Variants in PEX26 observed in about 807,000 individuals in gnomAD.
PEX26 encodes the protein peroxisomal biogenesis factor 26, also known as peroxisome assembly protein 26.
In PEX26, 18 loss-of-function variants were observed where a neutral mutation model predicts 31.4. The ratio of observed to expected loss-of-function variants is 0.57; its 90% CI spans 0.40 to 0.85. The LOEUF is 0.85. PEX26 is among the 40% of genes least tolerant of loss of function. The pLI is 0.00. For missense variants in PEX26, 377 were observed against 383.9 expected (o/e 0.98, Z 0.15); for synonymous variants, 176 against 166.9 (o/e 1.05, Z -0.42).
chr22:18,083,567 C>T lies in PEX26; in HGVS notation c.502C>T (p.Leu168=). ...ALAEFHVQRV[L]LPLGCLSEAE... ...GGCAGAATTTCACGTGCAGCGGGTG[C>T]TGCTGCCTCTGGGCTGCTTATCGGA... is the stretch of plus-strand genomic sequence containing the variant. The change falls in exon 3 of 5, where the codon CTG becomes TTG. Residue 168 remains leucine (L), a synonymous_variant. Transcript: ENST00000399744. 2 of 1,614,074 alleles carry T rather than the reference C, an allele frequency of 1.2e-6. No individual in the cohort carries two copies. Among genetic ancestry groups the T allele is most frequent in the African/African-American group, 2.7e-5 (2 of 75,058 alleles).
rs528578277 is a variant in PEX26, at chr22:18,082,991, A to G, written c.372-446A>G. Among the ~76,000 whole-genome samples the G allele has an allele frequency of 3.3e-5, 5 of 152,142 alleles. No homozygotes were observed. The South Asian group carries it at 6.2e-4, about 19-fold the overall frequency. On this transcript the variant is annotated intron_variant, in intron 2 of 4. Transcript: ENST00000399744. ...AATTGTTTTCTTGATCTCTTTTCCA[A>G]TGGTTCACTGTCACGTATAGAAACG...
At chr22:18,082,947 T>A (rs1392653787) in intron 2 of PEX26, among the ~76,000 whole-genome samples, 1 of 152,216 alleles carries the variant, frequency 6.6e-6, no homozygotes, top group Admixed American at 6.5e-5. Flanking sequence ...CTTATTTTTT[T>A]GGTAGCTATT....
At chr22:18,083,381 C>A in intron 2 of PEX26, 56 bp from the exon 3 acceptor site, 1 of 1,556,062 alleles carries the variant, frequency 6.4e-7, no homozygotes, top group Non-Finnish European at 8.9e-7. Context: ...GGAAATGAAC[C>A]AATCATTGAG....
rs1044012265 is a variant in PEX26 at position 18,083,441 on chromosome 22, C to T, written c.376C>T (p.Leu126Phe). ...TGGGTTTTTTGGGGACTGCAGCATT[C>T]TTTTATACAGCAAAATGCAAGAGCC... ...LPPKVLELCI[L>F]LYSKMQEPGA... is the part of the protein sequence containing the mutation. The change falls in exon 3 of 5, where the codon CTT (leucine) becomes TTT (phenylalanine). Residue 126 changes from leucine (L) to phenylalanine (F), a missense_variant. Coordinates refer to ENST00000399744, the MANE Select transcript of PEX26 (RefSeq NM_001127649.3). The T allele has an allele frequency of 1.9e-6, 3 of 1,613,868 alleles. No individual in the cohort carries two copies. The highest frequency in any genetic ancestry group is 2.5e-6 in the Non-Finnish European group (3 of 1,179,998).
Position 18,079,897 on chromosome 22 carries a change from TG to T in PEX26, c.255del (p.Cys86ValfsTer95). The T allele has an allele frequency of 6.2e-7, 1 of 1,614,120 alleles. No individual in the cohort carries two copies. The highest frequency in any genetic ancestry group is 2.2e-5 in the East Asian group (1 of 44,884). On this transcript the variant is annotated frameshift_variant, in exon 2 of 5. Transcript: ENST00000399744. LOFTEE classifies it high-confidence loss of function. ...AGTSLEVKCS[L>X]CVVGIQALAE... ...AGCTCATTGGAGGTGAAGTGCTCCC[TG>T]TGTGTTGTGGGGATCCAGGCCCTGG...
chr22:18,098,771 TATATATA>T lies in PEX26; in HGVS notation c.*10704_*10710del, dbSNP rs1927370288. 1 of 151,168 alleles carries T rather than the reference TATATATA, an allele frequency of 6.6e-6. No individual in the cohort carries two copies. Among genetic ancestry groups the T allele is most frequent in the Non-Finnish European group, 1.5e-5 (1 of 67,826 alleles). The allele number at this position is 151,168 out of a possible 1,614,324, so 9.4% of individuals were successfully genotyped here. The stretch of plus-strand genomic sequence containing the variant: ...GTGTATGTGTGCGTGTGTAGACATA[TATATATA>T]ATATATATACACATATGCAATGGAG... On this transcript the variant is annotated 3_prime_UTR_variant, in exon 5 of 5. Coordinates refer to ENST00000399744, the MANE Select transcript of PEX26 (RefSeq NM_001127649.3).
rs752656920 is a variant in PEX26, at chr22:18,083,762, A to T, written c.667+30A>T. ...GACATTATCCCTCTGCGACCTCTGT[A>T]AAGTGGACTTGCGGGCTTGCACTGT... is the stretch of plus-strand genomic sequence containing the variant. On this transcript the variant is annotated intron_variant, in intron 3 of 4. Transcript: ENST00000399744. 1.4e-5 allele frequency: 23 copies of T among 1,609,374 alleles called. No individual in the cohort carries two copies. The South Asian group carries it at 2.4e-4, about 17-fold the overall frequency.
At chr22:18,081,243 T>C (rs12484133) in intron 2 of PEX26, among the ~76,000 whole-genome samples, 926 of 62,440 alleles carry the variant, frequency 0.015, 8 homozygotes, top group African/African-American at 0.039. Flanking sequence ...TATGTACACA[T>C]ATACACACAC....
In PEX26 at chr22:18,093,662, A is replaced by T. The variant is rs1927197456; in HGVS notation, c.*5587A>T. 6.6e-6 allele frequency: 1 copy of T among 152,194 alleles called. No homozygotes were observed. The highest frequency in any genetic ancestry group is 1.5e-5 in the Non-Finnish European group (1 of 68,036). The allele number at this position is 152,194 out of a possible 1,614,324, so 9.4% of individuals were successfully genotyped here. ...CTGCAGGTTTCAGCACTGTTAAGGT[A>T]TTGCAAGAATGCCCAACCCTCTGGT... On this transcript the variant is annotated 3_prime_UTR_variant, in exon 5 of 5. Transcript: ENST00000399744.
Position 18,078,291 on chromosome 22 carries a change from C to T in PEX26, c.-86C>T. On this transcript the variant is annotated 5_prime_UTR_variant, in exon 1 of 5. Transcript: ENST00000399744. ...AAGAGATGAGGACTCTCCCTCTTCG[C>T]CCAGGCCAACTCGGGATATCCCGGA... 1 of 979,440 alleles carries T rather than the reference C, an allele frequency of 1.0e-6. No individual in the cohort carries two copies. Among genetic ancestry groups the T allele is most frequent in the Non-Finnish European group, 1.6e-6 (1 of 633,638 alleles). The allele number at this position is 979,440 out of a possible 1,614,324, so 60.7% of individuals were successfully genotyped here. A position where few individuals can be genotyped will look rare whatever the true frequency, so the allele number is the denominator to read the frequency against.
chr22:18,088,070 G>T lies in PEX26; in HGVS notation c.913G>T (p.Asp305Tyr). The change falls in exon 5 of 5, where the codon GAC (aspartate) becomes TAC (tyrosine). Residue 305 changes from aspartate to tyrosine, a missense_variant. Transcript: ENST00000399744. This position sits in a 1 kb window ranked among gnomAD's most constrained non-coding sequence, Gnocchi z 4.1. ...TCGCCTCTACCAGCTCCGCATCCGT[G>T]ACTGAGGGTCCCTGCGCACCACAGC... ...FSRLYQLRIRD is the reference protein window; with the variant it reads ...FSRLYQLRIRY The T allele has an allele frequency of 6.2e-7, 1 of 1,604,524 alleles. No individual in the cohort carries two copies. The highest frequency in any genetic ancestry group is 1.1e-5 in the South Asian group (1 of 90,918).
intron 4 of PEX26, among the ~76,000 whole-genome samples, chr22:18,086,973 C>T (rs910347286): frequency 3.9e-5 from 6 of 151,932 alleles, no homozygotes; most frequent in Admixed American, 2.0e-4. Context: ...AGTGCACCGG[C>T]GTGATCTTGG....
rs1926939047 is a variant in PEX26 at position 18,088,461 on chromosome 22, C to T, written c.*386C>T. On this transcript the variant is annotated 3_prime_UTR_variant, in exon 5 of 5. Coordinates refer to ENST00000399744, the MANE Select transcript of PEX26 (RefSeq NM_001127649.3). The surrounding 1 kb of genome is among the most constrained non-coding windows in gnomAD (Gnocchi z 4.1). ...GTTCAGAAAAAGCCTGGTGAAGTGA[C>T]CCTTGGCCTTTCACTTCTTGAGAAA... is the stretch of plus-strand genomic sequence containing the variant. 1 of 355,436 alleles carries T rather than the reference C, an allele frequency of 2.8e-6. No homozygotes were observed. 22.0% of individuals were successfully genotyped at this position (355,436 alleles called of 1,614,324 possible). A position where few individuals can be genotyped will look rare whatever the true frequency, so the allele number is the denominator to read the frequency against.
rs891794412 is a variant in PEX26 at position 18,084,786 on chromosome 22, G to A, written c.668-326G>A. 6.0e-5 allele frequency among the ~76,000 whole-genome samples: 9 copies of A among 150,126 alleles called. No individual in the cohort carries two copies. The East Asian group carries it at 9.8e-4, about 16-fold the overall frequency. On this transcript the variant is annotated intron_variant, in intron 3 of 4. Coordinates refer to ENST00000399744, the MANE Select transcript of PEX26 (RefSeq NM_001127649.3). ...TGCCCAAGCTGGAGTGCAATGGCAC[G>A]ATCTTGGCTCACTGCAGCCTCCACC... is the stretch of plus-strand genomic sequence containing the variant.
Position 18,095,926 on chromosome 22 carries a change from G to A in PEX26, c.*7851G>A, listed in dbSNP as rs939996785. 6.6e-6 allele frequency: 1 copy of A among 152,076 alleles called. No individual in the cohort carries two copies. Among genetic ancestry groups the A allele is most frequent in the African/African-American group, 2.4e-5 (1 of 41,392 alleles). The allele number at this position is 152,076 out of a possible 1,614,324, so 9.4% of individuals were successfully genotyped here. On this transcript the variant is annotated 3_prime_UTR_variant, in exon 5 of 5. Coordinates refer to ENST00000399744, the MANE Select transcript of PEX26 (RefSeq NM_001127649.3). The stretch of plus-strand genomic sequence containing the variant: ...CAACATCCACTTCCTAGGTTCAAGC[G>A]ATTCTCTTGCCTCAGCCTTCCGAGT...
intron 2 of PEX26, among the ~76,000 whole-genome samples, chr22:18,081,900 G>T (rs997758779): frequency 6.6e-6 from 1 of 152,096 alleles, no homozygotes; most frequent in East Asian, 1.9e-4. Flanking sequence ...TTGTCTTTTT[G>T]ATAAGAGCTG....
chr22:18,094,008 G>C lies in PEX26; in HGVS notation c.*5933G>C, dbSNP rs1370564935. ...CAAATATGTGGGGTTGGGATTCTGT[G>C]ACCTACTTCCAATTTTAATATTGAC... On this transcript the variant is annotated 3_prime_UTR_variant, in exon 5 of 5. Coordinates refer to ENST00000399744, the MANE Select transcript of PEX26 (RefSeq NM_001127649.3). 4 of 152,192 alleles carry C rather than the reference G, an allele frequency of 2.6e-5. No individual in the cohort carries two copies. The highest frequency in any genetic ancestry group is 6.5e-5 in the Admixed American group (1 of 15,280). 9.4% of individuals were successfully genotyped at this position (152,192 alleles called of 1,614,324 possible). A position where few individuals can be genotyped will look rare whatever the true frequency, so the allele number is the denominator to read the frequency against.
In PEX26 at chr22:18,078,583, C is replaced by A. The variant is rs375516973; in HGVS notation, c.207C>A (p.Ala69=). 6.2e-7 allele frequency: 1 copy of A among 1,600,096 alleles called. No homozygotes were observed. ...CCTGGCAGAGTCTGGCCAACCACGCCGTGGCAGAGGAACCCGCGGGCACGT... is the reference window on the plus strand; with the variant it reads ...CCTGGCAGAGTCTGGCCAACCACGCAGTGGCAGAGGAACCCGCGGGCACGT... ...ERAWQSLANH[A]VAEEPAGTSL... Residue 69 remains alanine, a synonymous_variant, in exon 1 of 5, where the codon GCC becomes GCA. Coordinates refer to ENST00000399744, the MANE Select transcript of PEX26 (RefSeq NM_001127649.3).
chr22:18,078,433 G>C lies in PEX26; in HGVS notation c.57G>C (p.Leu19=). 1 of 1,580,944 alleles carries C rather than the reference G, an allele frequency of 6.3e-7. No homozygotes were observed. Among genetic ancestry groups the C allele is most frequent in the Non-Finnish European group, 8.6e-7 (1 of 1,167,726 alleles). The stretch of plus-strand genomic sequence containing the variant: ...CCCTCAGGGGGCTCGGGGGACCCCT[G>C]CGCAGCAGCGAGCCGGTGCGCGCGG... ...AAPLRGLGGP[L]RSSEPVRAVP... The change falls in exon 1 of 5, where the codon CTG becomes CTC. Residue 19 remains leucine, a synonymous_variant. Coordinates refer to ENST00000399744, the MANE Select transcript of PEX26 (RefSeq NM_001127649.3).
Sources: gnomAD v4.1 joint callset for allele counts (sites outside exome capture counted in the v4.1 genomes callset) on GRCh38, gnomAD v4.1.1 for gene constraint, Gnocchi (gnomAD v3.1) non-coding constraint, MANE v1.5 for transcripts, NCBI Gene and HGNC (gene_info 2026-07-23, HGNC 2026-07-21) for gene names.